The following PDGFD variants were observed in gnomAD, a reference collection of about 807,000 sequenced individuals.
The protein encoded by PDGFD is platelet derived growth factor D, also known as platelet-derived growth factor D.
Under a neutral mutation model 44.7 loss-of-function variants are expected in PDGFD, and 30 were observed. The observed-to-expected ratio is 0.67, with a 90% CI of 0.50 to 0.91. The LOEUF is 0.91. Ranked by LOEUF, PDGFD falls within the 40% of genes least tolerant of loss-of-function variation. The pLI, the probability that PDGFD is intolerant of heterozygous loss-of-function variation, is 0.00. For synonymous variants in PDGFD, 173 were observed against 168.4 expected (o/e 1.03, Z -0.21); for missense variants, 445 against 457.8 (o/e 0.97, Z 0.25).
chr11:103,926,901 G>T lies in PDGFD; in HGVS notation c.987+11C>A. ...TTAAGCATTGCAACAAGAAATCTAA[G>T]AATGACATACCTCATGATACTTTTT... On this transcript the variant is annotated intron_variant, in intron 6 of 6. Transcript: ENST00000393158. The T allele has an allele frequency of 1.2e-6, 2 of 1,609,676 alleles. No homozygotes were observed. Among genetic ancestry groups the T allele is most frequent in the Non-Finnish European group, 1.7e-6 (2 of 1,177,240 alleles).
intron 1 of PDGFD, chr11:104,036,765 C>A: frequency 1.4e-6 from 2 of 1,419,750 alleles, no homozygotes; most frequent in African/African-American, 1.4e-5. Context: ...AGGCCCGCCC[C>A]AGCCCGCCAG....
At chr11:104,147,301 T>C (rs866018873) in intron 1 of PDGFD, among the ~76,000 whole-genome samples, 1 of 152,190 alleles carries the variant, frequency 6.6e-6, no homozygotes, top group African/African-American at 2.4e-5. Flanking sequence ...TTTGCAGCAA[T>C]GAAAGTTTTA....
At chr11:104,113,272 A>T (rs1306486743) in intron 1 of PDGFD, among the ~76,000 whole-genome samples, 4 of 152,160 alleles carry the variant, frequency 2.6e-5, no homozygotes, top group Non-Finnish European at 5.9e-5. Flanking sequence ...GTGGGCACTG[A>T]GGATGTTGCC....
At chr11:104,132,910 G>A (rs541255417) in intron 1 of PDGFD, among the ~76,000 whole-genome samples, 1 of 152,062 alleles carries the variant, frequency 6.6e-6, no homozygotes, top group East Asian at 1.9e-4. Flanking sequence ...GATAGGATAG[G>A]TTATGCTGCA....
chr11:104,000,686 A>G (rs1051332560), intron 1 of PDGFD, among the ~76,000 whole-genome samples: 2 of 152,144 alleles, frequency 1.3e-5, no homozygotes, highest in African/African-American at 4.8e-5. Context: ...AGTTCTCTTA[A>G]TATCATTCTT....
intron 6 of PDGFD, among the ~76,000 whole-genome samples, chr11:103,913,845 C>G (rs1591073138): frequency 6.6e-6 from 1 of 152,162 alleles, no homozygotes; most frequent in African/African-American, 2.4e-5. Flanking sequence ...GAAATACAAA[C>G]TATTATCAGA....
intron 1 of PDGFD, among the ~76,000 whole-genome samples, chr11:104,142,656 T>A (rs17102089): frequency 0.13 from 19,431 of 152,158 alleles, 1,494 homozygotes; most frequent in African/African-American, 0.22. Flanking sequence ...GAATTGGAGA[T>A]GTGATTGACT....
chr11:103,944,118 T>C (rs1858634481), intron 4 of PDGFD, among the ~76,000 whole-genome samples: 1 of 152,168 alleles, frequency 6.6e-6, no homozygotes, highest in South Asian at 2.1e-4. Flanking sequence ...TTGCAGATGA[T>C]GTGTGAGCAA....
Position 103,909,433 on chromosome 11 carries a change from T to C in PDGFD, c.*261A>G, listed in dbSNP as rs1190757252. 2.5e-6 allele frequency: 1 copy of C among 406,294 alleles called. No individual in the cohort carries two copies. The highest frequency in any genetic ancestry group is 2.0e-5 in the African/African-American group (1 of 50,284). The allele number at this position is 406,294 out of a possible 1,614,324, so 25.2% of individuals were successfully genotyped here. On this transcript the variant is annotated 3_prime_UTR_variant, in exon 7 of 7. Coordinates refer to ENST00000393158, the MANE Select transcript of PDGFD (RefSeq NM_025208.5). ...ATCTATATACACATAGACATGAATA[T>C]ATTTCTGTGTGTGTTTGTGCATATA... is the stretch of plus-strand genomic sequence containing the variant.
intron 1 of PDGFD, among the ~76,000 whole-genome samples, chr11:104,161,577 C>G (rs570505748): frequency 6.6e-6 from 1 of 152,270 alleles, no homozygotes; most frequent in South Asian, 2.1e-4. Context: ...CTTAAAGACT[C>G]TTTTTAGACT....
intron 3 of PDGFD, among the ~76,000 whole-genome samples, chr11:103,980,511 G>T (rs1859253439): frequency 6.6e-6 from 1 of 151,994 alleles, no homozygotes; most frequent in South Asian, 2.1e-4. Flanking sequence ...TTGGCTTCTT[G>T]TCCTGCCAAC....
chr11:104,071,179 A>G (rs1004774385), intron 1 of PDGFD, among the ~76,000 whole-genome samples: 3 of 152,144 alleles, frequency 2.0e-5, no homozygotes, highest in Admixed American at 2.0e-4. Flanking sequence ...AATATTGTGC[A>G]TCAGATTTTT....
rs147939457 is a variant in PDGFD at position 104,064,900 on chromosome 11, A to G, written c.125-64645T>C. Among the ~76,000 whole-genome samples the G allele has an allele frequency of 8.5e-3, 1,287 of 152,290 alleles. 24 individuals are homozygous for G. The highest frequency in any genetic ancestry group is 0.029 in the African/African-American group (1,202 of 41,556). ...TTAATATTGAGTGTCAACTTGATGGAATTGAAGGATACAAAGCATTGTTCC... is the reference window on the plus strand; with the variant it reads ...TTAATATTGAGTGTCAACTTGATGGGATTGAAGGATACAAAGCATTGTTCC... On this transcript the variant is annotated intron_variant, in intron 1 of 6. Coordinates refer to ENST00000393158, the MANE Select transcript of PDGFD (RefSeq NM_025208.5).
chr11:103,926,815 T>C (rs1218122479), intron 6 of PDGFD, 97 bp downstream of exon 6: 10 of 1,293,594 alleles, frequency 7.7e-6, no homozygotes, highest in Non-Finnish European at 8.6e-6. Flanking sequence ...CTGGGTGCCC[T>C]TGTGCAGTGA....
At chr11:104,120,071 TC>T (rs1861750489) in intron 1 of PDGFD, among the ~76,000 whole-genome samples, 1 of 149,326 alleles carries the variant, frequency 6.7e-6, no homozygotes, top group South Asian at 2.1e-4. Flanking sequence ...CTATGATTTT[TC>T]AGACCATTTC....
At chr11:103,965,897 G>T (rs1212185809) in intron 3 of PDGFD, among the ~76,000 whole-genome samples, 2 of 152,196 alleles carry the variant, frequency 1.3e-5, no homozygotes, top group African/African-American at 4.8e-5. Flanking sequence ...GCAGATGAGC[G>T]AGGAAGCAGT....
At chr11:104,027,541 G>A (rs913361944) in intron 1 of PDGFD, among the ~76,000 whole-genome samples, 1 of 152,162 alleles carries the variant, frequency 6.6e-6, no homozygotes, top group Admixed American at 6.5e-5. Context: ...GGATAATGAG[G>A]CTCGGATAAA....
chr11:103,964,532 A>G (rs1334687514), intron 3 of PDGFD, among the ~76,000 whole-genome samples: 1 of 152,142 alleles, frequency 6.6e-6, no homozygotes, highest in African/African-American at 2.4e-5. Flanking sequence ...CTTTAAGAAA[A>G]GCAGGTCCTT....
intron 1 of PDGFD, among the ~76,000 whole-genome samples, chr11:104,073,304 C>T (rs1474243799): frequency 2.0e-5 from 3 of 152,066 alleles, no homozygotes; most frequent in Non-Finnish European, 4.4e-5. Flanking sequence ...AAAAATGCTA[C>T]ATAAATAAAT....
Sources: allele counts gnomAD v4.1 joint callset (sites outside exome capture counted in the v4.1 genomes callset), GRCh38; gene constraint gnomAD v4.1.1; transcripts MANE v1.5; gene names NCBI Gene and HGNC (gene_info 2026-07-23, HGNC 2026-07-21).